The following TOP2B variants were observed in gnomAD, a reference collection of about 807,000 sequenced individuals.
TOP2B encodes the protein DNA topoisomerase 2-beta.
Under a neutral mutation model 193.5 loss-of-function variants are expected in TOP2B, and 51 were observed. That is an observed-to-expected ratio of 0.26 (90% CI 0.21 to 0.33). TOP2B has a LOEUF of 0.33. Among genes scored for constraint, TOP2B ranks in the 10% least tolerant of loss-of-function variants. The pLI is 1.00. For missense variants in TOP2B, 1,378 were observed against 1,909.3 expected (o/e 0.72, Z 5.19); for synonymous variants, 634 against 635.7 (o/e 1.00, Z 0.04).
chr3:25,615,547 T>C lies in TOP2B; in HGVS notation c.3391A>G (p.Ser1131Gly). ...EDETQNQHDD[S>G]SSDSGTPSGP... ...GAAGGAGTTCCTGAATCGGAGGAAC[T>C]ATCATCATGCTGGTTTTGTGTTTCA... The change falls in exon 26 of 36, where the codon AGT (serine) becomes GGT (glycine). Residue 1131 changes from serine to glycine, a missense_variant. Physicochemically the swap from Ser to Gly is moderately conservative, Grantham distance 56. This residue lies in a region of TOP2B where 556 missense variants were observed against 584.2 expected (regional missense o/e 0.95). Transcript: ENST00000264331. 1 of 1,574,378 alleles carries C rather than the reference T, an allele frequency of 6.4e-7. No homozygotes were observed. The highest frequency in any genetic ancestry group is 1.8e-5 in the Admixed American group (1 of 55,368).
At position 25,598,449 on chromosome 3, in the gene TOP2B, T is replaced by G. The variant is rs761909414; in HGVS notation, c.4739A>C (p.Asp1580Ala). 3 of 1,600,634 alleles carry G rather than the reference T, an allele frequency of 1.9e-6. No homozygotes were observed. The highest frequency in any genetic ancestry group is 1.4e-5 in the African/African-American group (1 of 74,046). Residue 1580 changes from aspartate to alanine, a missense_variant, in exon 36 of 36, where the codon GAT becomes GCT. Physicochemically the swap from Asp to Ala is moderately radical, Grantham distance 126. This residue lies in a region of TOP2B where 556 missense variants were observed against 584.2 expected (regional missense o/e 0.95). Transcript: ENST00000264331. ...KKPKKTSFDQ[D>A]SDVDIFPSDF... is the part of the protein sequence containing the mutation. ...TGAGGGGAAGATGTCCACATCTGAA[T>G]CCTGATCAAAAGATGTCTTCTTCGG...
At chr3:25,651,219 C>G (rs573471468) in intron 1 of TOP2B, among the ~76,000 whole-genome samples, 1 of 151,804 alleles carries the variant, frequency 6.6e-6, no homozygotes, top group Non-Finnish European at 1.5e-5. Flanking sequence ...AATTCTAAAT[C>G]TGTGTTAAAA....
intron 18 of TOP2B, 162 bp from the exon 19 acceptor site, chr3:25,624,965 G>C (rs756932436): frequency 1.1e-5 from 7 of 665,904 alleles, no homozygotes; most frequent in African/African-American, 5.5e-5. Context: ...TGTTTTGTTT[G>C]TTTGTTTTTT....
rs778476715 is a variant in TOP2B, at chr3:25,630,865, C to T, written c.1341G>A (p.Lys447=). ...KFKAQTQLNK[K]CSSVKYSKIK... ...TTTTACTGTATTTTACTGATGAACA[C>T]TTCTTATTCAGCTGAGTCTGAGCCT... Residue 447 remains lysine, a synonymous_variant, in exon 11 of 36, where the codon AAG becomes AAA. Transcript: ENST00000264331. 1 of 1,605,742 alleles carries T rather than the reference C, an allele frequency of 6.2e-7. No individual in the cohort carries two copies. The highest frequency in any genetic ancestry group is 8.5e-7 in the Non-Finnish European group (1 of 1,176,466).
intron 7 of TOP2B, among the ~76,000 whole-genome samples, chr3:25,634,708 C>T (rs1703052027): frequency 1.3e-5 from 2 of 150,358 alleles, no homozygotes; most frequent in Admixed American, 6.7e-5. Flanking sequence ...CCCCTCTGCA[C>T]TCCCATGGTG....
chr3:25,644,755 G>T (rs1030672279), intron 2 of TOP2B, among the ~76,000 whole-genome samples: 3 of 151,692 alleles, frequency 2.0e-5, no homozygotes, highest in African/African-American at 7.3e-5. Flanking sequence ...TACATAAAAA[G>T]TTCGTATGGC....
intron 1 of TOP2B, among the ~76,000 whole-genome samples, chr3:25,651,232 T>C (rs1337025535): frequency 6.6e-6 from 1 of 151,964 alleles, no homozygotes; most frequent in Non-Finnish European, 1.5e-5. Flanking sequence ...TGTTAAAATA[T>C]ACACAATATA....
rs1226953792 is a variant in TOP2B, at chr3:25,664,331, G to A, written c.-34C>T. 5 of 1,439,468 alleles carry A rather than the reference G, an allele frequency of 3.5e-6. No individual in the cohort carries two copies. The highest frequency in any genetic ancestry group is 2.7e-5 in the Admixed American group (1 of 36,596). The allele number at this position is 1,439,468 out of a possible 1,614,324, so 89.2% of individuals were successfully genotyped here. On this transcript the variant is annotated 5_prime_UTR_variant, in exon 1 of 36. Coordinates refer to ENST00000264331, the MANE Select transcript of TOP2B (RefSeq NM_001330700.2). ...CCTCCAGCTCACAGGCCCTGAGGCC[G>A]CAGCCGCCGCTCCCGCCTCCCTGCG...
In TOP2B at chr3:25,623,555, T is replaced by A; in HGVS notation, c.2687A>T (p.Asn896Ile). The change falls in exon 21 of 36, where the codon AAT becomes ATT. Residue 896 changes from asparagine to isoleucine, a missense_variant. Asn to Ile is a moderately radical substitution (Grantham distance 149). Coordinates refer to ENST00000264331, the MANE Select transcript of TOP2B (RefSeq NM_001330700.2). Reference sequence around the variant, plus strand: ...CAGGCCATCTAGCATTCGTCTGACATTGTTCACAATTTCCCTAGCATCATA... The same window carrying A: ...CAGGCCATCTAGCATTCGTCTGACAATGTTCACAATTTCCCTAGCATCATA... ...PNYDAREIVN[N>I]VRRMLDGLDP... The A allele has an allele frequency of 1.2e-6, 2 of 1,613,954 alleles. No homozygotes were observed. The highest frequency in any genetic ancestry group is 1.7e-6 in the Non-Finnish European group (2 of 1,179,866).
intron 35 of TOP2B, among the ~76,000 whole-genome samples, chr3:25,598,794 C>T (rs1214208011): frequency 6.6e-6 from 1 of 152,144 alleles, no homozygotes; most frequent in Non-Finnish European, 1.5e-5. Flanking sequence ...AAAATTCAAG[C>T]TGTCCTACTG....
intron 2 of TOP2B, 79 bp from the exon 3 acceptor site, chr3:25,643,863 C>A: frequency 1.0e-6 from 1 of 1,000,392 alleles, no homozygotes. Context: ...CACATCCTGT[C>A]ATTTACACTA....
In TOP2B at chr3:25,624,424, C is replaced by A; in HGVS notation, c.2368G>T (p.Val790Leu). The change falls in exon 20 of 36, where the codon GTG becomes TTG. Residue 790 changes from valine (V) to leucine (L), a missense_variant. Val to Leu is a conservative substitution (Grantham distance 32). Around this residue, in one of 9 missense-constraint regions of TOP2B, gnomAD observed 379 missense variants for 615.1 expected, o/e 0.62. Transcript: ENST00000264331. ...HGEQALMMTIVNLAQNFVGSN... is the reference protein window; with the variant it reads ...HGEQALMMTILNLAQNFVGSN... ...CCCACAAAGTTCTGAGCCAAATTCA[C>A]AATAGTCATCATCAATGCTTGCTAT... 1 of 1,613,848 alleles carries A rather than the reference C, an allele frequency of 6.2e-7. No individual in the cohort carries two copies. Among genetic ancestry groups the A allele is most frequent in the Non-Finnish European group, 8.5e-7 (1 of 1,179,828 alleles).
intron 1 of TOP2B, among the ~76,000 whole-genome samples, chr3:25,661,409 A>G (rs1348765659): frequency 6.6e-6 from 1 of 152,206 alleles, no homozygotes; most frequent in Non-Finnish European, 1.5e-5. Flanking sequence ...TTTTTAATCT[A>G]CCAAGTTAGA....
intron 34 of TOP2B, 43 bp from the exon 35 acceptor site, chr3:25,599,572 A>C (rs751193183): frequency 9.0e-6 from 14 of 1,551,256 alleles, no homozygotes; most frequent in Non-Finnish European, 1.2e-5. Flanking sequence ...GGTTAAGTGC[A>C]ATATAAAAAG....
intron 3 of TOP2B, among the ~76,000 whole-genome samples, chr3:25,642,710 T>C (rs1396100484): frequency 1.3e-5 from 2 of 152,152 alleles, no homozygotes; most frequent in African/African-American, 4.8e-5. Flanking sequence ...GTAAAAACTT[T>C]TGTTTAATTA....
intron 7 of TOP2B, among the ~76,000 whole-genome samples, chr3:25,635,599 G>C (rs1258364617): frequency 6.6e-6 from 1 of 151,960 alleles, no homozygotes; most frequent in African/African-American, 2.4e-5. Context: ...CAGGAAACTT[G>C]ATGCAGAGAC....
Position 25,598,491 on chromosome 3 carries a change from C to T in TOP2B, c.4711-14G>A, listed in dbSNP as rs1559488083. 13 of 1,392,746 alleles carry T rather than the reference C, an allele frequency of 9.3e-6. No individual in the cohort carries two copies. The highest frequency in any genetic ancestry group is 1.3e-5 in the Non-Finnish European group (13 of 1,017,772). 86.3% of individuals were successfully genotyped at this position (1,392,746 alleles called of 1,614,324 possible). Reference sequence around the variant, plus strand: ...CTTCTTCGGTTTCTAGATTTTTTTTCAATAGATTTAAAAGTTATGAAAGGA... The same window carrying T: ...CTTCTTCGGTTTCTAGATTTTTTTTTAATAGATTTAAAAGTTATGAAAGGA... On this transcript the variant is annotated splice_polypyrimidine_tract_variant and intron_variant, in intron 35 of 35. Coordinates refer to ENST00000264331, the MANE Select transcript of TOP2B (RefSeq NM_001330700.2).
In TOP2B at chr3:25,625,079, A is replaced by G. The variant is rs116160342; in HGVS notation, c.2225-276T>C. 8.5e-3 allele frequency: 2,160 copies of G among 252,754 alleles called. 51 individuals are homozygous for G. The highest frequency in any genetic ancestry group is 0.044 in the African/African-American group (1,934 of 44,144). 15.7% of individuals were successfully genotyped at this position (252,754 alleles called of 1,614,324 possible). Reference sequence around the variant, plus strand: ...AAAGACAACATTCTGGCCTTAAAGAATCACCTAGTGGTACCAAACTCCTTT... The same window carrying G: ...AAAGACAACATTCTGGCCTTAAAGAGTCACCTAGTGGTACCAAACTCCTTT... On this transcript the variant is annotated intron_variant, in intron 18 of 35. Coordinates refer to ENST00000264331, the MANE Select transcript of TOP2B (RefSeq NM_001330700.2).
In TOP2B at chr3:25,632,914, G is replaced by T. The variant is rs539716904; in HGVS notation, c.1027-120C>A. On this transcript the variant is annotated intron_variant, in intron 8 of 35. Coordinates refer to ENST00000264331, the MANE Select transcript of TOP2B (RefSeq NM_001330700.2). ...AATAGAGTCTCAGAACGAGAGTTGA[G>T]ATTTTAAAAAAATAAGACATTTTGG... is the stretch of plus-strand genomic sequence containing the variant. The T allele has an allele frequency of 4.9e-6, 4 of 813,526 alleles. No individual in the cohort carries two copies. In the African/African-American group the frequency reaches 7.1e-5, roughly 14 times the overall value. The allele number at this position is 813,526 out of a possible 1,614,324, so 50.4% of individuals were successfully genotyped here. A position where few individuals can be genotyped will look rare whatever the true frequency, so the allele number is the denominator to read the frequency against.
Sources: allele counts gnomAD v4.1 joint callset (sites outside exome capture counted in the v4.1 genomes callset), GRCh38; gene constraint gnomAD v4.1.1; regional missense constraint gnomAD v4.1.1; transcripts MANE v1.5; gene names NCBI Gene and HGNC (gene_info 2026-07-23, HGNC 2026-07-21).